ARHGEF38: variants seen among roughly 807,000 people sequenced by gnomAD.
ARHGEF38 encodes the protein Rho guanine nucleotide exchange factor 38, also known as Rho guanine nucleotide exchange factor (GEF) 38.
In ARHGEF38, 79 loss-of-function variants were observed where a neutral mutation model predicts 79.9. That is an observed-to-expected ratio of 0.99 (90% CI 0.82 to 1.19). The LOEUF (loss-of-function observed/expected upper bound fraction) is 1.19, where lower values mean the gene tolerates loss of function less well. ARHGEF38 is among the 50% of genes most tolerant of loss of function. The probability of loss-of-function intolerance (pLI) is 0.00; values close to 1 mark genes in which losing one functional copy is unlikely to be tolerated. For missense variants in ARHGEF38, 962 were observed against 907.2 expected, an observed-to-expected ratio of 1.06 and a Z score of -0.78; for synonymous variants, 366 against 328.3, an observed-to-expected ratio of 1.11 and a Z score of -1.24.
chr4:105,648,465 A>G lies in ARHGEF38; in HGVS notation c.875-84A>G, dbSNP rs1373329297. ...ATATACATATTTATCTTGAATATAAATACTCGTCTTGAAAACTTTGGGTGA... is the reference window on the plus strand; with the variant it reads ...ATATACATATTTATCTTGAATATAAGTACTCGTCTTGAAAACTTTGGGTGA... On this transcript the variant is annotated intron_variant, in intron 6 of 13. Transcript: ENST00000420470. The G allele has an allele frequency of 2.4e-6, 3 of 1,232,008 alleles. No individual in the cohort carries two copies. In the African/African-American group the frequency reaches 4.6e-5, roughly 19 times the overall value. The allele number at this position is 1,232,008 out of a possible 1,614,324, so 76.3% of individuals were successfully genotyped here. A position where few individuals can be genotyped will look rare whatever the true frequency, so the allele number is the denominator to read the frequency against.
At chr4:105,655,973 C>A (rs966626711) in intron 9 of ARHGEF38, among the ~76,000 whole-genome samples, 3 of 152,120 alleles carry the variant, frequency 2.0e-5, no homozygotes, top group Admixed American at 2.0e-4. Flanking sequence ...AGTGTCAGTG[C>A]AGCTTTTAAA....
intron 1 of ARHGEF38, among the ~76,000 whole-genome samples, chr4:105,565,136 A>G (rs1056669067): frequency 2.0e-5 from 3 of 152,168 alleles, no homozygotes; most frequent in African/African-American, 7.2e-5. Context: ...TCTACTTTCT[A>G]TGCCAATTAG....
At position 105,666,700 on chromosome 4, in the gene ARHGEF38, C is replaced by G. The variant is rs1467628921; in HGVS notation, c.1689+380C>G. Reference sequence around the variant, plus strand: ...GGGTTTCTCAAAGTCTCTTAGGGCCCGAGCTGAGGGGGGGAGTATAAGCGT... The same window carrying G: ...GGGTTTCTCAAAGTCTCTTAGGGCCGGAGCTGAGGGGGGGAGTATAAGCGT... On this transcript the variant is annotated intron_variant, in intron 11 of 13. Transcript: ENST00000420470. Among the ~76,000 whole-genome samples the G allele has an allele frequency of 3.3e-5, 5 of 152,188 alleles. No homozygotes were observed. The South Asian group carries it at 1.0e-3, about 32-fold the overall frequency.
intron 2 of ARHGEF38, among the ~76,000 whole-genome samples, chr4:105,612,707 G>T (rs531371728): frequency 6.6e-6 from 1 of 152,158 alleles, no homozygotes; most frequent in East Asian, 1.9e-4. Flanking sequence ...ACACAGTCTG[G>T]ATTCTTTCGT....
At position 105,587,693 on chromosome 4, in the gene ARHGEF38, C is replaced by G. The variant is rs151087380; in HGVS notation, c.197-1555C>G. On this transcript the variant is annotated intron_variant, in intron 1 of 13. Coordinates refer to ENST00000420470, the MANE Select transcript of ARHGEF38 (RefSeq NM_001242729.2). ...GCCAGGATGATCTCGATCTCCTGAC[C>G]TTGTGATCTGCCTGCCTCGGCCTCC... Among the ~76,000 whole-genome samples, 585 of 152,272 alleles carry G rather than the reference C, an allele frequency of 3.8e-3. 4 individuals are homozygous for G. Among genetic ancestry groups the G allele is most frequent in the African/African-American group, 0.013 (560 of 41,550 alleles).
chr4:105,584,600 A>T (rs1414694496), intron 1 of ARHGEF38, among the ~76,000 whole-genome samples: 1 of 152,236 alleles, frequency 6.6e-6, no homozygotes, highest in Admixed American at 6.5e-5. Flanking sequence ...CTATGCACTT[A>T]AACCTCTACT....
chr4:105,580,835 C>T lies in ARHGEF38; in HGVS notation c.197-8413C>T, dbSNP rs142446964. 4.0e-3 allele frequency among the ~76,000 whole-genome samples: 604 copies of T among 152,028 alleles called. 2 individuals carry two copies. The highest frequency in any genetic ancestry group is 6.2e-3 in the Non-Finnish European group (419 of 67,952). ...TCAAGCAATTCTCCACCACTAAGCC[C>T]GGCTAGTTTTTGTATTTTTAGTAGA... On this transcript the variant is annotated intron_variant, in intron 1 of 13. Coordinates refer to ENST00000420470, the MANE Select transcript of ARHGEF38 (RefSeq NM_001242729.2).
chr4:105,643,092 A>G (rs1729687941), intron 5 of ARHGEF38, among the ~76,000 whole-genome samples: 1 of 151,602 alleles, frequency 6.6e-6, no homozygotes, highest in African/African-American at 2.4e-5. Context: ...TTTGCTACTG[A>G]TACACCATCA....
chr4:105,568,432 C>T (rs1046250946), intron 1 of ARHGEF38, among the ~76,000 whole-genome samples: 3 of 151,752 alleles, frequency 2.0e-5, no homozygotes, highest in African/African-American at 7.3e-5. Flanking sequence ...GTCAGTGTGG[C>T]GATTCCTCAG....
chr4:105,642,147 AT>A (rs1270145379), intron 5 of ARHGEF38, among the ~76,000 whole-genome samples: 2 of 151,970 alleles, frequency 1.3e-5, no homozygotes, highest in Non-Finnish European at 2.9e-5. Context: ...ACTGTGGGAG[AT>A]TAGATGGGGT....
chr4:105,585,609 T>C (rs1726996035), intron 1 of ARHGEF38, among the ~76,000 whole-genome samples: 1 of 152,178 alleles, frequency 6.6e-6, no homozygotes, highest in African/African-American at 2.4e-5. Context: ...AATCTGAATA[T>C]CCTTTTAACC....
chr4:105,647,620 C>G (rs762169005), intron 6 of ARHGEF38, among the ~76,000 whole-genome samples: 1 of 152,094 alleles, frequency 6.6e-6, no homozygotes, highest in Admixed American at 6.5e-5. Context: ...TTGTTAGTTT[C>G]TGCCAAATTG....
At chr4:105,631,735 T>A (rs1184559116) in intron 4 of ARHGEF38, 1 of 872,676 alleles carries the variant, frequency 1.1e-6, no homozygotes, top group Non-Finnish European at 1.4e-6. Flanking sequence ...TTTATATGTA[T>A]AAATGTGGGT....
chr4:105,553,066 T>A, intron 1 of ARHGEF38, 105 bp downstream of exon 1: 1 of 832,658 alleles, frequency 1.2e-6, no homozygotes, highest in Non-Finnish European at 1.8e-6. Context: ...GAAAATTGAA[T>A]ACCACCTCTC....
downstream of ARHGEF38, among the ~76,000 whole-genome samples, chr4:105,681,188 A>G (rs916979809): frequency 7.9e-5 from 12 of 152,028 alleles, no homozygotes; most frequent in Admixed American, 2.0e-4. Flanking sequence ...TATTGAGATC[A>G]TAATTGAGAT....
At chr4:105,590,632 G>A (rs1181844738) in intron 2 of ARHGEF38, among the ~76,000 whole-genome samples, 1 of 152,114 alleles carries the variant, frequency 6.6e-6, no homozygotes, top group African/African-American at 2.4e-5. Context: ...TGTTTTGGAT[G>A]TTTGTTTCCT....
At chr4:105,643,866 T>G (rs1213592138) in intron 5 of ARHGEF38, among the ~76,000 whole-genome samples, 2 of 148,616 alleles carry the variant, frequency 1.3e-5, no homozygotes, top group East Asian at 1.9e-4. Flanking sequence ...CTAAGATGCC[T>G]TCCTACTTTT....
At position 105,666,136 on chromosome 4, in the gene ARHGEF38, C is replaced by T. The variant is rs1485540550; in HGVS notation, c.1546-41C>T. ...TACATTTAACACCTGATATGATTAT[C>T]TAGGTGTCTGGAAACAATGCCATAT... On this transcript the variant is annotated intron_variant, in intron 10 of 13. Coordinates refer to ENST00000420470, the MANE Select transcript of ARHGEF38 (RefSeq NM_001242729.2). 14 of 1,471,066 alleles carry T rather than the reference C, an allele frequency of 9.5e-6. No individual in the cohort carries two copies. The African/African-American group carries it at 1.4e-4, about 15-fold the overall frequency. 91.1% of individuals were successfully genotyped at this position (1,471,066 alleles called of 1,614,324 possible). A position where few individuals can be genotyped will look rare whatever the true frequency, so the allele number is the denominator to read the frequency against.
chr4:105,641,906 A>G (rs1024964360), intron 5 of ARHGEF38, among the ~76,000 whole-genome samples: 1 of 152,190 alleles, frequency 6.6e-6, no homozygotes, highest in Non-Finnish European at 1.5e-5. Flanking sequence ...AGATTAGTGT[A>G]GCTACTTTTG....
Sources: allele counts gnomAD v4.1 joint callset (sites outside exome capture counted in the v4.1 genomes callset), GRCh38; gene constraint gnomAD v4.1.1; transcripts MANE v1.5; gene names NCBI Gene and HGNC (gene_info 2026-07-23, HGNC 2026-07-21).